RAPGEF5: variants seen among roughly 807,000 people sequenced by gnomAD.
RAPGEF5 encodes the protein Rap guanine nucleotide exchange factor 5.
RAPGEF5 carries 65 observed loss-of-function variants against 125.2 expected under a neutral mutation model. The observed-to-expected ratio is 0.52, with a 90% CI of 0.43 to 0.64. RAPGEF5 has a LOEUF of 0.64. RAPGEF5 is among the 30% of genes least tolerant of loss of function. RAPGEF5 has a pLI of 0.00. For synonymous variants in RAPGEF5, 391 were observed against 385.9 expected (o/e 1.01, Z -0.16); for missense variants, 958 against 1,048.1 (o/e 0.91, Z 1.19).
intron 11 of RAPGEF5, among the ~76,000 whole-genome samples, chr7:22,177,859 G>T (rs1784556378): frequency 6.6e-6 from 1 of 152,108 alleles, no homozygotes; most frequent in Admixed American, 6.6e-5. Context: ...CCGGTTTAGG[G>T]GAAAAGAAAA....
At chr7:22,323,856 G>C (rs970198772) in intron 1 of RAPGEF5, among the ~76,000 whole-genome samples, 1 of 152,128 alleles carries the variant, frequency 6.6e-6, no homozygotes, top group Non-Finnish European at 1.5e-5. Flanking sequence ...AGGAAGAAAG[G>C]ACAGCCCTTC....
At chr7:22,250,477 C>A (rs1214185049) in intron 7 of RAPGEF5, among the ~76,000 whole-genome samples, 3 of 152,144 alleles carry the variant, frequency 2.0e-5, no homozygotes, top group Non-Finnish European at 4.4e-5. Context: ...ATTTACTTTT[C>A]TTCACATACC....
At chr7:22,203,217 G>C (rs952463450) in intron 9 of RAPGEF5, among the ~76,000 whole-genome samples, 2 of 152,154 alleles carry the variant, frequency 1.3e-5, no homozygotes, top group African/African-American at 2.4e-5. Context: ...CCCTCTGCCA[G>C]AGGAGGGCTA....
chr7:22,205,295 A>G (rs2128129219), intron 9 of RAPGEF5, among the ~76,000 whole-genome samples: 1 of 152,312 alleles, frequency 6.6e-6, no homozygotes, highest in Non-Finnish European at 1.5e-5. Context: ...TCTGCTTATC[A>G]TTTCCAGGTT....
intron 1 of RAPGEF5, among the ~76,000 whole-genome samples, chr7:22,318,864 T>C (rs1398480837): frequency 1.3e-5 from 2 of 152,164 alleles, no homozygotes; most frequent in African/African-American, 4.8e-5. Context: ...TTGTTGACTG[T>C]TTTTCTGTGT....
chr7:22,240,700 A>G (rs891312685), intron 7 of RAPGEF5, among the ~76,000 whole-genome samples: 1 of 151,962 alleles, frequency 6.6e-6, no homozygotes, highest in Non-Finnish European at 1.5e-5. Flanking sequence ...GTGCCTTTCA[A>G]TGTTGTGTTC....
At chr7:22,290,985 A>G (rs1238628896) in intron 6 of RAPGEF5, among the ~76,000 whole-genome samples, 190 bp downstream of exon 6, 1 of 152,132 alleles carries the variant, frequency 6.6e-6, no homozygotes, top group Non-Finnish European at 1.5e-5. Flanking sequence ...CTATGATCTC[A>G]TGAAGGGAGG....
chr7:22,143,269 C>A (rs1035917518), intron 20 of RAPGEF5, among the ~76,000 whole-genome samples: 23 of 152,044 alleles, frequency 1.5e-4, no homozygotes, highest in Admixed American at 1.1e-3. Context: ...CCTTCCATGC[C>A]CAGTCACACC....
intron 2 of RAPGEF5, among the ~76,000 whole-genome samples, chr7:22,316,483 ATATATATT>A (rs1226175146): frequency 1.1e-3 from 32 of 30,440 alleles, no homozygotes; most frequent in African/African-American, 3.4e-3. Context: ...ATATATATAT[ATATATATT>A]TTTTTTTTTT....
At position 22,150,406 on chromosome 7, in the gene RAPGEF5, C is replaced by A; in HGVS notation, c.1884+1G>T. On this transcript the variant is annotated splice_donor_variant, in intron 18 of 25. Transcript: ENST00000665637. LOFTEE classifies it high-confidence loss of function. ...TCAAATACAAGGCTGAAGGTCCTTA[C>A]CAAAGTGTCCGCCAGGTCTTTCCGG... 6.2e-7 allele frequency: 1 copy of A among 1,606,762 alleles called. No homozygotes were observed.
In RAPGEF5 at chr7:22,317,917, T is replaced by C. The variant is rs577728498; in HGVS notation, c.282+70A>G. 23 of 1,538,714 alleles carry C rather than the reference T, an allele frequency of 1.5e-5. No homozygotes were observed. In the South Asian group the frequency reaches 2.5e-4, roughly 16 times the overall value. ...CAGGAGCAAAGGGAACAACTGTAACTTGATAATTGTACATCAGAATTTGTC... is the reference window on the plus strand; with the variant it reads ...CAGGAGCAAAGGGAACAACTGTAACCTGATAATTGTACATCAGAATTTGTC... On this transcript the variant is annotated intron_variant, in intron 2 of 25. Coordinates refer to ENST00000665637, the MANE Select transcript of RAPGEF5 (RefSeq NM_012294.5).
At position 22,356,894 on chromosome 7, in the gene RAPGEF5, T is replaced by C. The variant is rs1031909625; in HGVS notation, c.167A>G (p.Asp56Gly). The C allele has an allele frequency of 7.9e-6, 9 of 1,136,348 alleles. No homozygotes were observed. The highest frequency in any genetic ancestry group is 9.7e-6 in the Non-Finnish European group (9 of 927,556). 70.4% of individuals were successfully genotyped at this position (1,136,348 alleles called of 1,614,324 possible). The change falls in exon 1 of 26, where the codon GAC becomes GGC. Residue 56 changes from aspartate to glycine, a missense_variant. Asp to Gly is a moderately conservative substitution (Grantham distance 94). Transcript: ENST00000665637. ...PPASLRPRLR[D>G]LPALLRSGLT... ...CCCGCTCCGCAGCAGCGCGGGCAGG[T>C]CCCTCAGCCGCGGCCGCAGCGACGC...
At chr7:22,242,881 A>G (rs1786371435) in intron 7 of RAPGEF5, among the ~76,000 whole-genome samples, 1 of 145,562 alleles carries the variant, frequency 6.9e-6, no homozygotes, top group Non-Finnish European at 1.5e-5. Context: ...CAGGAGGCAG[A>G]GGTTGCGGTG....
intron 6 of RAPGEF5, among the ~76,000 whole-genome samples, chr7:22,276,692 G>A (rs897155176): frequency 1.3e-5 from 2 of 152,240 alleles, no homozygotes; most frequent in Non-Finnish European, 2.9e-5. Context: ...TAAAACAAGA[G>A]TAGGAAATCT....
At chr7:22,141,846 C>T (rs957156143) in intron 20 of RAPGEF5, among the ~76,000 whole-genome samples, 1 of 152,134 alleles carries the variant, frequency 6.6e-6, no homozygotes, top group Non-Finnish European at 1.5e-5. Flanking sequence ...TCTCCTGGGT[C>T]GACCCCACTT....
At chr7:22,291,323 A>T (rs1254989062) in intron 5 of RAPGEF5, 82 bp from the exon 6 acceptor site, 1 of 1,464,720 alleles carries the variant, frequency 6.8e-7, no homozygotes, top group Non-Finnish European at 9.0e-7. Context: ...ATAAAGGGCA[A>T]ATAATGTCAT....
At chr7:22,311,287 T>G (rs536203852) in intron 3 of RAPGEF5, among the ~76,000 whole-genome samples, 1 of 152,262 alleles carries the variant, frequency 6.6e-6, no homozygotes, top group Non-Finnish European at 1.5e-5. Context: ...ACTGCGGAGA[T>G]TACAGGTATG....
At chr7:22,199,571 A>G (rs1785231045) in intron 9 of RAPGEF5, among the ~76,000 whole-genome samples, 1 of 144,196 alleles carries the variant, frequency 6.9e-6, no homozygotes, top group South Asian at 2.3e-4. Context: ...AACTGAGCAG[A>G]GATGAGTCTG....
chr7:22,241,515 G>C (rs978382828), intron 7 of RAPGEF5, among the ~76,000 whole-genome samples: 2 of 152,110 alleles, frequency 1.3e-5, no homozygotes, highest in African/African-American at 4.8e-5. Flanking sequence ...TTATACATTA[G>C]GGAAAAATAA....
Sources: allele counts gnomAD v4.1 joint callset (sites outside exome capture counted in the v4.1 genomes callset), GRCh38; gene constraint gnomAD v4.1.1; transcripts MANE v1.5; gene names NCBI Gene and HGNC (gene_info 2026-07-23, HGNC 2026-07-21).